The following ST6GAL1 variants were observed in gnomAD, a reference collection of about 807,000 sequenced individuals.
The protein encoded by ST6GAL1 is beta-galactoside alpha-2,6-sialyltransferase 1.
Under a neutral mutation model 38.0 loss-of-function variants are expected in ST6GAL1, and 20 were observed. That is an observed-to-expected ratio of 0.53 (90% CI 0.37 to 0.77). The LOEUF is 0.77. Ranked by LOEUF, ST6GAL1 falls within the 30% of genes least tolerant of loss-of-function variation. ST6GAL1 has a pLI of 0.00. For missense variants in ST6GAL1, 432 were observed against 496.4 expected, an observed-to-expected ratio of 0.87 and a Z score of 1.23; for synonymous variants, 196 against 188.2, an observed-to-expected ratio of 1.04 and a Z score of -0.34.
rs78825125 is a variant in ST6GAL1 at position 187,008,115 on chromosome 3, T to C, written c.-182-30627T>C. On this transcript the variant is annotated intron_variant, in intron 2 of 7. Transcript: ENST00000169298. ...AAAATACTGGTGCAGAAAAAAATAT[T>C]TGGAGAAAGAGTGGCTGAAATAGTT... 5.1e-3 allele frequency among the ~76,000 whole-genome samples: 781 copies of C among 152,212 alleles called. 22 individuals are homozygous for C. The East Asian group carries it at 0.08, about 16-fold the overall frequency.
At chr3:187,041,052 G>A (rs1718108303) in intron 3 of ST6GAL1, among the ~76,000 whole-genome samples, 1 of 152,040 alleles carries the variant, frequency 6.6e-6, no homozygotes, top group African/African-American at 2.4e-5. Context: ...CCTCCACATG[G>A]CCCCCAGGCT....
At chr3:187,067,394 CTTT>C (rs3055154) in intron 5 of ST6GAL1, among the ~76,000 whole-genome samples, 4,038 of 114,104 alleles carry the variant, frequency 0.035, 224 homozygotes, top group African/African-American at 0.13. Flanking sequence ...GCAAGGCAAC[CTTT>C]TTTTTTTTTT....
intron 2 of ST6GAL1, among the ~76,000 whole-genome samples, chr3:187,019,879 C>T (rs1214222384): frequency 2.6e-5 from 4 of 152,092 alleles, no homozygotes; most frequent in Admixed American, 6.5e-5. Flanking sequence ...ATAGGTGTCA[C>T]CAGAAGGTCA....
chr3:187,040,180 A>G (rs181279558), intron 3 of ST6GAL1, among the ~76,000 whole-genome samples: 40 of 152,350 alleles, frequency 2.6e-4, no homozygotes, highest in African/African-American at 9.6e-4. Context: ...TCAGCTATAA[A>G]TGGAGCTCAT....
intron 5 of ST6GAL1, 67 bp from the exon 6 acceptor site, chr3:187,072,782 C>T: frequency 7.2e-7 from 1 of 1,379,414 alleles, no homozygotes; most frequent in Non-Finnish European, 1.0e-6. Flanking sequence ...GCTATGTCAG[C>T]TATTACTTCA....
At chr3:186,984,581 A>G (rs955162486) in intron 2 of ST6GAL1, among the ~76,000 whole-genome samples, 1 of 151,798 alleles carries the variant, frequency 6.6e-6, no homozygotes, top group Non-Finnish European at 1.5e-5. Flanking sequence ...TTCCCCAGAT[A>G]TTGTGGGACT....
intron 1 of ST6GAL1, among the ~76,000 whole-genome samples, chr3:186,932,049 A>G (rs1366761896): frequency 3.9e-5 from 6 of 152,224 alleles, no homozygotes; most frequent in Non-Finnish European, 8.8e-5. Flanking sequence ...CAGTGTGAGC[A>G]GGAATGGAGG....
intron 2 of ST6GAL1, among the ~76,000 whole-genome samples, chr3:187,011,067 T>C (rs1716941385): frequency 1.3e-5 from 2 of 152,184 alleles, no homozygotes; most frequent in Admixed American, 6.5e-5. Context: ...CTTGGTCAAG[T>C]ACAACAGTGT....
At position 187,061,481 on chromosome 3, in the gene ST6GAL1, A is replaced by G. The variant is rs117370739; in HGVS notation, c.705+10135A>G. 2.6e-3 allele frequency among the ~76,000 whole-genome samples: 389 copies of G among 152,208 alleles called. 12 individuals carry two copies. In the East Asian group the frequency reaches 0.041, roughly 16 times the overall value. ...CTCACTTCTTGATTTCAAAAAATAC[A>G]TATGTTACAATAATCGAGAGAGTGA... On this transcript the variant is annotated intron_variant, in intron 5 of 7. Transcript: ENST00000169298.
At chr3:186,938,475 A>G (rs570611270) in intron 1 of ST6GAL1, among the ~76,000 whole-genome samples, 7 of 152,330 alleles carry the variant, frequency 4.6e-5, no homozygotes, top group Admixed American at 2.6e-4. Context: ...GGTATACAAG[A>G]AGCATTCAGT....
intron 2 of ST6GAL1, among the ~76,000 whole-genome samples, chr3:186,998,424 GAA>G (rs1430107939): frequency 6.6e-6 from 1 of 152,126 alleles, no homozygotes; most frequent in Admixed American, 6.6e-5. Flanking sequence ...AAAATCATAA[GAA>G]AGAGAAAATG....
At chr3:186,969,113 G>A (rs1009828799) in intron 2 of ST6GAL1, among the ~76,000 whole-genome samples, 2 of 143,056 alleles carry the variant, frequency 1.4e-5, no homozygotes, top group East Asian at 2.1e-4. Context: ...ATGCAGTGGC[G>A]CAATCTCAGC....
At chr3:186,933,001 A>G (rs10937275) in intron 1 of ST6GAL1, among the ~76,000 whole-genome samples, 135,127 of 152,210 alleles carry the variant, frequency 0.89, 60,060 homozygotes, top group East Asian at 1. Context: ...AGATAGGGTC[A>G]GGTACCCGGT....
chr3:187,067,689 C>T (rs1483761447), intron 5 of ST6GAL1, among the ~76,000 whole-genome samples: 2 of 152,106 alleles, frequency 1.3e-5, no homozygotes, highest in Non-Finnish European at 2.9e-5. Context: ...TGACCTGACC[C>T]TCATGGTGTG....
chr3:187,070,107 G>T (rs1197331562), intron 5 of ST6GAL1, among the ~76,000 whole-genome samples: 3 of 152,108 alleles, frequency 2.0e-5, no homozygotes, highest in African/African-American at 7.2e-5. Flanking sequence ...TGCCTCTAAG[G>T]ATAGTTCCTG....
At chr3:187,045,810 G>T (rs1311591220) in intron 4 of ST6GAL1, among the ~76,000 whole-genome samples, 1 of 152,192 alleles carries the variant, frequency 6.6e-6, no homozygotes, top group Non-Finnish European at 1.5e-5. Context: ...CTGTCCTAGA[G>T]AGAAAGAGAA....
intron 3 of ST6GAL1, among the ~76,000 whole-genome samples, chr3:187,039,661 C>T (rs1297739685): frequency 6.6e-6 from 1 of 152,202 alleles, no homozygotes; most frequent in African/African-American, 2.4e-5. Flanking sequence ...TTTTCCAAAA[C>T]ATTTGTAGAG....
chr3:186,980,603 C>CAAA (rs34503745), intron 2 of ST6GAL1, among the ~76,000 whole-genome samples: 9,322 of 92,012 alleles, frequency 0.1, 424 homozygotes, highest in South Asian at 0.15. Context: ...ACTAAAATTA[C>CAAA]AAAAAAAAAA....
intron 4 of ST6GAL1, among the ~76,000 whole-genome samples, chr3:187,045,882 G>GA (rs1718277097): frequency 6.6e-6 from 1 of 152,174 alleles, no homozygotes; most frequent in African/African-American, 2.4e-5. Flanking sequence ...GTGTGTTTGG[G>GA]CATCACAAAT....
Sources: gnomAD v4.1 joint callset for allele counts (sites outside exome capture counted in the v4.1 genomes callset) on GRCh38, gnomAD v4.1.1 for gene constraint, MANE v1.5 for transcripts, NCBI Gene and HGNC (gene_info 2026-07-23, HGNC 2026-07-21) for gene names.